CALN1: variants seen among roughly 807,000 people sequenced by gnomAD.
CALN1 encodes calneuron 1.
CALN1 carries 17 observed loss-of-function variants against 30.6 expected under a neutral mutation model. The ratio of observed to expected loss-of-function variants is 0.56; its 90% CI spans 0.38 to 0.83. The LOEUF is 0.83. Ranked by LOEUF, CALN1 falls within the 40% of genes least tolerant of loss-of-function variation. CALN1 has a pLI of 0.00. For synonymous variants in CALN1, 156 were observed against 131.4 expected (o/e 1.19, Z -1.28); for missense variants, 291 against 354.9 (o/e 0.82, Z 1.45).
At chr7:72,112,155 A>T (rs1584965628) in intron 3 of CALN1, among the ~76,000 whole-genome samples, 1 of 152,190 alleles carries the variant, frequency 6.6e-6, no homozygotes, top group African/African-American at 2.4e-5. Flanking sequence ...CCAGGCAGGA[A>T]CAACAGCAAA....
At chr7:72,008,749 G>A (rs866752487) in intron 5 of CALN1, among the ~76,000 whole-genome samples, 5 of 149,866 alleles carry the variant, frequency 3.3e-5, no homozygotes, top group Admixed American at 2.0e-4. Flanking sequence ...TCCGCCTCCC[G>A]GGTTCAAGTG....
intron 4 of CALN1, among the ~76,000 whole-genome samples, chr7:72,097,168 G>T (rs1806294296): frequency 6.6e-6 from 1 of 152,100 alleles, no homozygotes; most frequent in Admixed American, 6.5e-5. Context: ...GTGGGGTGGG[G>T]GGAGAGGGGA....
At chr7:72,500,715 A>G in the CALN1 span, among the ~76,000 whole-genome samples, 15 of 152,228 alleles carry the variant, frequency 9.9e-5, no homozygotes, top group African/African-American at 2.9e-4. Flanking sequence ...ACTGATATGA[A>G]AACATACACT....
At chr7:72,289,155 C>T (rs1798302561) in intron 2 of CALN1, among the ~76,000 whole-genome samples, 1 of 152,188 alleles carries the variant, frequency 6.6e-6, no homozygotes, top group Admixed American at 6.6e-5. Context: ...GGTATACTTG[C>T]TGTTCACCTA....
intron 4 of CALN1, among the ~76,000 whole-genome samples, chr7:72,068,511 G>A (rs1247776345): frequency 3.3e-5 from 5 of 151,982 alleles, no homozygotes; most frequent in African/African-American, 4.8e-5. Flanking sequence ...TGTTTGAGAC[G>A]GAGTCTTACT....
intron 5 of CALN1, among the ~76,000 whole-genome samples, chr7:71,937,502 T>C (rs1480206455): frequency 6.6e-6 from 1 of 152,078 alleles, no homozygotes; most frequent in Non-Finnish European, 1.5e-5. Context: ...TATATATGTA[T>C]AAAACTTTCC....
At chr7:72,091,594 A>G (rs1805866336) in intron 4 of CALN1, among the ~76,000 whole-genome samples, 1 of 152,256 alleles carries the variant, frequency 6.6e-6, no homozygotes, top group African/African-American at 2.4e-5. Flanking sequence ...GAAATGAGGA[A>G]TGAAAATAGA....
At chr7:72,126,221 T>C (rs907882694) in intron 3 of CALN1, among the ~76,000 whole-genome samples, 4 of 152,170 alleles carry the variant, frequency 2.6e-5, no homozygotes, top group South Asian at 2.1e-4. Context: ...TCCAACTCCA[T>C]AAAAGTTGCT....
At position 71,782,131 on chromosome 7, in the gene CALN1, G is replaced by A. The variant is rs942794182; in HGVS notation, c.*5644C>T. On this transcript the variant is annotated 3_prime_UTR_variant, in exon 7 of 7. Transcript: ENST00000395275. ...CTCATTGCTCCAAACCAATCATAGA[G>A]GCTGGATATTTGTTCCCCCCAAATT... 6.6e-6 allele frequency: 1 copy of A among 152,126 alleles called. No homozygotes were observed. The highest frequency in any genetic ancestry group is 1.5e-5 in the Non-Finnish European group (1 of 68,044). 9.4% of individuals were successfully genotyped at this position (152,126 alleles called of 1,614,324 possible). A position where few individuals can be genotyped will look rare whatever the true frequency, so the allele number is the denominator to read the frequency against.
chr7:72,085,166 G>T (rs1584910830), intron 4 of CALN1, among the ~76,000 whole-genome samples: 1 of 152,044 alleles, frequency 6.6e-6, no homozygotes, highest in Admixed American at 6.6e-5. Flanking sequence ...TCATCACAAA[G>T]GCACTTTATC....
intron 5 of CALN1, among the ~76,000 whole-genome samples, chr7:71,947,896 C>A (rs1290393825): frequency 6.7e-6 from 1 of 149,462 alleles, no homozygotes; most frequent in Non-Finnish European, 1.5e-5. Context: ...GCTAGTTGCA[C>A]TGCACTCCAG....
intron 5 of CALN1, among the ~76,000 whole-genome samples, chr7:72,007,023 T>C (rs1799806316): frequency 6.6e-6 from 1 of 152,102 alleles, no homozygotes. Context: ...ATATCCAAAC[T>C]CCACACACTG....
rs1227258684 is a variant in CALN1 at position 71,999,496 on chromosome 7, CTCCA to C, written c.501+24157_501+24160del. Among the ~76,000 whole-genome samples, 16 of 152,188 alleles carry C rather than the reference CTCCA, an allele frequency of 1.1e-4. 1 individual carries two copies. Among genetic ancestry groups the C allele is most frequent in the Middle Eastern group, 3.4e-3 (1 of 294 alleles). On this transcript the variant is annotated intron_variant, in intron 5 of 6. Coordinates refer to ENST00000395275, the MANE Select transcript of CALN1 (RefSeq NM_031468.4). ...GGATCTAGCTCATATACACAGAACA[CTCCA>C]TCCAACAGCAGCATATGCATTTTTT...
At chr7:72,005,906 A>C (rs2129528866) in intron 5 of CALN1, among the ~76,000 whole-genome samples, 1 of 152,348 alleles carries the variant, frequency 6.6e-6, no homozygotes, top group East Asian at 1.9e-4. Flanking sequence ...CACACATGTG[A>C]TAAAACTGTA....
chr7:72,382,214 G>A (rs1804945514), intron 2 of CALN1, among the ~76,000 whole-genome samples: 1 of 152,158 alleles, frequency 6.6e-6, no homozygotes, highest in Non-Finnish European at 1.5e-5. Flanking sequence ...CCCAGTAATG[G>A]CTATATCCAG....
intron 3 of CALN1, among the ~76,000 whole-genome samples, chr7:72,114,894 TGA>T (rs1349966851): frequency 6.6e-6 from 1 of 151,950 alleles, no homozygotes. Flanking sequence ...CTTGGGAGGC[TGA>T]GACAGGAGAA....
intron 3 of CALN1, among the ~76,000 whole-genome samples, chr7:72,113,218 G>A (rs1807700695): frequency 6.6e-6 from 1 of 152,168 alleles, no homozygotes; most frequent in African/African-American, 2.4e-5. Context: ...TCTCTGGGAG[G>A]AGGAGGAGGG....
the CALN1 span, among the ~76,000 whole-genome samples, chr7:72,473,126 T>C: frequency 1.3e-5 from 2 of 151,812 alleles, no homozygotes; most frequent in Non-Finnish European, 2.9e-5. Context: ...TTTGTTTTTT[T>C]TTTTTAAGAG....
chr7:71,932,573 G>A (rs191326658), intron 5 of CALN1, among the ~76,000 whole-genome samples: 294 of 152,108 alleles, frequency 1.9e-3, no homozygotes, highest in Non-Finnish European at 3.2e-3. Context: ...CAGAACTTTC[G>A]GAGGCCGAGG....
Sources: allele counts gnomAD v4.1 joint callset (sites outside exome capture counted in the v4.1 genomes callset), GRCh38; gene constraint gnomAD v4.1.1; transcripts MANE v1.5; gene names NCBI Gene and HGNC (gene_info 2026-07-23, HGNC 2026-07-21).